SLC14A2: variants seen among roughly 807,000 people sequenced by gnomAD.
SLC14A2 encodes the protein urea transporter 2.
Under a neutral mutation model 104.6 loss-of-function variants are expected in SLC14A2, and 91 were observed. The ratio of observed to expected loss-of-function variants is 0.87; its 90% CI spans 0.73 to 1.04. The LOEUF (loss-of-function observed/expected upper bound fraction) is 1.04, where lower values mean the gene tolerates loss of function less well. Among genes scored for constraint, SLC14A2 ranks in the 50% least tolerant of loss-of-function variants. The pLI, the probability that SLC14A2 is intolerant of heterozygous loss-of-function variation, is 0.00. For missense variants in SLC14A2, 1,189 were observed against 1,156.0 expected, an observed-to-expected ratio of 1.03 and a Z score of -0.41; for synonymous variants, 476 against 466.4, an observed-to-expected ratio of 1.02 and a Z score of -0.27.
At chr18:45,677,200 T>A (rs538938818) in intron 18 of SLC14A2, among the ~76,000 whole-genome samples, 20 of 152,338 alleles carry the variant, frequency 1.3e-4, no homozygotes, top group South Asian at 4.1e-4. Context: ...TTCGGAGGGT[T>A]TTCCTGCTAG....
chr18:45,484,310 T>C (rs755593839), intron 2 of SLC14A2, among the ~76,000 whole-genome samples: 38 of 152,208 alleles, frequency 2.5e-4, no homozygotes, highest in Non-Finnish European at 1.0e-4. Flanking sequence ...ACTAATCATA[T>C]GGGCCTCTCC....
At chr18:45,366,590 T>A (rs2085668012) in intron 1 of SLC14A2, among the ~76,000 whole-genome samples, 1 of 152,214 alleles carries the variant, frequency 6.6e-6, no homozygotes, top group African/African-American at 2.4e-5. Context: ...TCCTCTCCTA[T>A]CACCCAGAAG....
intron 2 of SLC14A2, among the ~76,000 whole-genome samples, chr18:45,547,988 C>T (rs1431800727): frequency 6.6e-6 from 1 of 152,106 alleles, no homozygotes; most frequent in Non-Finnish European, 1.5e-5. Flanking sequence ...ACTTTGTAGC[C>T]CAGGACTTGG....
intron 1 of SLC14A2, among the ~76,000 whole-genome samples, chr18:45,307,501 A>G (rs991587277): frequency 2.0e-5 from 3 of 152,014 alleles, no homozygotes; most frequent in Non-Finnish European, 4.4e-5. Flanking sequence ...AGCACAAAGA[A>G]TTCAGAGGCG....
chr18:45,199,845 G>A, the SLC14A2 span, among the ~76,000 whole-genome samples: 2,867 of 152,286 alleles, frequency 0.019, 103 homozygotes, highest in African/African-American at 0.065. Flanking sequence ...GATCATGTGA[G>A]AATCTTGACT....
intron 1 of SLC14A2, among the ~76,000 whole-genome samples, chr18:45,624,350 AAC>A (rs2045224639): frequency 6.6e-6 from 1 of 152,202 alleles, no homozygotes; most frequent in South Asian, 2.1e-4. Context: ...GCAGAGAAAA[AAC>A]ACTCAGTGAT....
chr18:45,497,680 A>G (rs912931866), intron 2 of SLC14A2, among the ~76,000 whole-genome samples: 2 of 152,206 alleles, frequency 1.3e-5, no homozygotes, highest in Non-Finnish European at 2.9e-5. Flanking sequence ...ACCAGTAGGC[A>G]TGGTGTTCCC....
intron 10 of SLC14A2, among the ~76,000 whole-genome samples, chr18:45,645,582 A>G (rs115952016): frequency 0.083 from 2,118 of 25,498 alleles, 57 homozygotes; most frequent in African/African-American, 0.22. Flanking sequence ...TTTCTCAACT[A>G]TAGTCAATAG....
At chr18:45,542,418 A>G (rs1172766778) in intron 2 of SLC14A2, 1 of 152,118 alleles carries the variant, frequency 6.6e-6, no homozygotes, top group Admixed American at 6.6e-5. Flanking sequence ...AAATGGAGAA[A>G]TGAAGAAGTT....
the SLC14A2 span, among the ~76,000 whole-genome samples, chr18:45,168,259 G>C: frequency 2.6e-5 from 4 of 152,128 alleles, no homozygotes; most frequent in South Asian, 6.2e-4. Flanking sequence ...CCACTTTAAA[G>C]TTTTTAATTT....
At chr18:45,206,087 T>C in the SLC14A2 span, among the ~76,000 whole-genome samples, 3 of 152,214 alleles carry the variant, frequency 2.0e-5, no homozygotes, top group Non-Finnish European at 2.9e-5. Flanking sequence ...GTTTCATCTG[T>C]TTATGTGAGA....
intron 1 of SLC14A2, among the ~76,000 whole-genome samples, chr18:45,478,978 C>T (rs1047158551): frequency 1.3e-5 from 2 of 152,198 alleles, no homozygotes; most frequent in African/African-American, 2.4e-5. Context: ...CCCCAAAAGA[C>T]GGTGTTGGTT....
intron 2 of SLC14A2, among the ~76,000 whole-genome samples, chr18:45,522,271 T>G (rs750052917): frequency 6.6e-6 from 1 of 152,204 alleles, no homozygotes; most frequent in Non-Finnish European, 1.5e-5. Flanking sequence ...TTTTTTTATG[T>G]TTAGCCTTGC....
intron 14 of SLC14A2, 96 bp downstream of exon 14, chr18:45,668,118 A>G: frequency 2.4e-6 from 3 of 1,267,984 alleles, no homozygotes; most frequent in East Asian, 4.7e-5. Context: ...TCCTCAAAAT[A>G]AGGACACTGA....
intron 3 of SLC14A2, among the ~76,000 whole-genome samples, chr18:45,626,333 C>T (rs1432717057): frequency 6.6e-6 from 1 of 152,260 alleles, no homozygotes; most frequent in South Asian, 2.1e-4. Flanking sequence ...GAACTAAACA[C>T]TGAAAGGAAT....
At chr18:45,207,274 TGAAG>T in the SLC14A2 span, among the ~76,000 whole-genome samples, 1 of 138,418 alleles carries the variant, frequency 7.2e-6, no homozygotes, top group Non-Finnish European at 1.5e-5. Context: ...GATGGAGACA[TGAAG>T]GAAAGAAGAG....
At position 45,328,892 on chromosome 18, in the gene SLC14A2, C is replaced by T. The variant is rs115609485; in HGVS notation, c.-125+115701C>T. ...CAAAAGCAAACCTTAAACCATTTTG[C>T]GAATCCCGCCCTAGATTTCACATTT... On this transcript the variant is annotated intron_variant, in intron 1 of 20. Coordinates refer to the SLC14A2 transcript ENST00000586448. 3.9e-3 allele frequency among the ~76,000 whole-genome samples: 587 copies of T among 152,292 alleles called. 5 individuals are homozygous for T. The highest frequency in any genetic ancestry group is 0.013 in the African/African-American group (559 of 41,570).
At chr18:45,398,543 C>T (rs1402726921) in intron 1 of SLC14A2, among the ~76,000 whole-genome samples, 1 of 104,308 alleles carries the variant, frequency 9.6e-6, no homozygotes, top group Non-Finnish European at 2.3e-5. Context: ...TAGAAACCAC[C>T]CAAATGTTCA....
intron 1 of SLC14A2, among the ~76,000 whole-genome samples, chr18:45,321,538 C>T (rs1255800922): frequency 1.3e-5 from 2 of 152,106 alleles, no homozygotes; most frequent in Non-Finnish European, 2.9e-5. Flanking sequence ...TGTTCTGGAG[C>T]GTGGAGCCCT....
Sources: gnomAD v4.1 joint callset for allele counts (sites outside exome capture counted in the v4.1 genomes callset) on GRCh38, gnomAD v4.1.1 for gene constraint, MANE v1.5 for transcripts, NCBI Gene and HGNC (gene_info 2026-07-23, HGNC 2026-07-21) for gene names.